FUT8: variants seen among roughly 807,000 people sequenced by gnomAD.
FUT8 encodes the protein alpha-(1,6)-fucosyltransferase.
A neutral mutation model predicts 71.3 loss-of-function variants in FUT8; 29 were observed. That is an observed-to-expected ratio of 0.41 (90% CI 0.30 to 0.55). The LOEUF is 0.55. Ranked by LOEUF, FUT8 falls within the 20% of genes least tolerant of loss-of-function variation. The pLI is 0.34. For missense variants in FUT8, 544 were observed against 702.1 expected (o/e 0.77, Z 2.55); for synonymous variants, 254 against 239.3 (o/e 1.06, Z -0.57).
At chr14:65,680,979 C>T (rs1325010961) in intron 7 of FUT8, among the ~76,000 whole-genome samples, 7 of 152,308 alleles carry the variant, frequency 4.6e-5, no homozygotes, top group African/African-American at 9.6e-5. Context: ...TACTGATATA[C>T]TGGGAACATG....
At chr14:65,611,215 GCGCGCGCGCACACACACACACACA>G (rs1566851064) in intron 3 of FUT8, among the ~76,000 whole-genome samples, 11 of 4,616 alleles carry the variant, frequency 2.4e-3, no homozygotes, top group Non-Finnish European at 7.1e-3. Flanking sequence ...GCGCGCGCGC[GCGCGCGCGCACACACACACACACA>G]CACACACACA....
At chr14:65,389,044 C>T in the FUT8 span, among the ~76,000 whole-genome samples, 73,665 of 150,434 alleles carry the variant, frequency 0.49, 19,275 homozygotes, top group Non-Finnish European at 0.6. Flanking sequence ...CTCTGTCACC[C>T]AGGCTGGAGT....
chr14:65,593,954 C>G (rs933588601), intron 3 of FUT8, among the ~76,000 whole-genome samples: 1 of 152,246 alleles, frequency 6.6e-6, no homozygotes, highest in Admixed American at 6.5e-5. Flanking sequence ...AGGTGATCTG[C>G]CCACCTTGGC....
In FUT8 at chr14:65,500,009, C is replaced by T. The variant is rs546408857; in HGVS notation, c.-228+44291C>T. 1.6e-4 allele frequency among the ~76,000 whole-genome samples: 24 copies of T among 152,230 alleles called. No homozygotes were observed. The South Asian group carries it at 3.3e-3, about 21-fold the overall frequency. On this transcript the variant is annotated intron_variant, in intron 2 of 10. Transcript: ENST00000673929. ...TGTTTGGTCTCACATACACACTTAA[C>T]GCCCCTTTCAAACTGTTATGGAACA...
chr14:65,732,518 A>G (rs1566922449), intron 9 of FUT8, among the ~76,000 whole-genome samples: 2 of 152,186 alleles, frequency 1.3e-5, no homozygotes, highest in African/African-American at 4.8e-5. Flanking sequence ...CTCCTCTATT[A>G]TATTCCAGAT....
Position 65,469,800 on chromosome 14 carries a change from C to T in FUT8, c.-228+14082C>T, listed in dbSNP as rs151020333. ...AGTCATCTGGCTGTCTCTCTGGCCTCTGCCCTGCTCTGGCTGATCTCGGGG... is the reference window on the plus strand; with the variant it reads ...AGTCATCTGGCTGTCTCTCTGGCCTTTGCCCTGCTCTGGCTGATCTCGGGG... On this transcript the variant is annotated intron_variant, in intron 2 of 10. Coordinates refer to ENST00000673929, the MANE Select transcript of FUT8 (RefSeq NM_001371533.1). Among the ~76,000 whole-genome samples the T allele has an allele frequency of 4.5e-3, 688 of 152,336 alleles. 2 individuals carry two copies. Among genetic ancestry groups the T allele is most frequent in the Admixed American group, 8.6e-3 (131 of 15,312 alleles).
chr14:65,635,546 G>A (rs61988015), intron 6 of FUT8, among the ~76,000 whole-genome samples: 8,940 of 152,236 alleles, frequency 0.059, 313 homozygotes, highest in Admixed American at 0.11. Flanking sequence ...GTCATAAAGC[G>A]ATGCTGGATT....
At chr14:65,411,674 A>G (rs923632706), upstream of FUT8, 30 of 230,480 alleles carry the variant, frequency 1.3e-4, no homozygotes, top group African/African-American at 6.6e-4. Flanking sequence ...GCCTAGAGAA[A>G]TGATTCTTGT....
chr14:65,474,547 C>T (rs964720388), intron 2 of FUT8, among the ~76,000 whole-genome samples: 3 of 150,534 alleles, frequency 2.0e-5, no homozygotes, highest in East Asian at 2.0e-4. Flanking sequence ...TGCAGTGAGC[C>T]GAGATTGTGC....
At chr14:65,601,144 A>AAGTT (rs1384787794) in intron 3 of FUT8, among the ~76,000 whole-genome samples, 1 of 152,154 alleles carries the variant, frequency 6.6e-6, no homozygotes, top group East Asian at 1.9e-4. Flanking sequence ...GTGAGTCTGA[A>AAGTT]AGTTATAGTA....
chr14:65,493,750 A>G (rs1339105554), intron 2 of FUT8, among the ~76,000 whole-genome samples: 3 of 151,782 alleles, frequency 2.0e-5, no homozygotes, highest in Admixed American at 1.3e-4. Context: ...ATTGCCATGT[A>G]TTGTCTCTTA....
intron 1 of FUT8, among the ~76,000 whole-genome samples, chr14:65,443,453 G>A (rs2065692444): frequency 6.6e-6 from 1 of 151,202 alleles, no homozygotes; most frequent in Admixed American, 6.6e-5. Flanking sequence ...GGGTGCAGTG[G>A]CTCACACCTA....
At chr14:65,520,772 A>G (rs1179096213) in intron 2 of FUT8, among the ~76,000 whole-genome samples, 1 of 152,076 alleles carries the variant, frequency 6.6e-6, no homozygotes, top group Admixed American at 6.5e-5. Flanking sequence ...AAAAGTTATC[A>G]TTATTCTTTT....
chr14:65,726,014 G>GCACA (rs112955215), intron 9 of FUT8, among the ~76,000 whole-genome samples: 7 of 151,402 alleles, frequency 4.6e-5, no homozygotes, highest in Non-Finnish European at 8.8e-5. Context: ...GCGCATGCGT[G>GCACA]CACACACACA....
the FUT8 span, among the ~76,000 whole-genome samples, chr14:65,366,969 C>T: frequency 6.6e-6 from 1 of 152,136 alleles, no homozygotes; most frequent in Non-Finnish European, 1.5e-5. Flanking sequence ...AAGCGAAGAG[C>T]TGAGAAAGGG....
chr14:65,494,197 T>C (rs1009950044), intron 2 of FUT8, among the ~76,000 whole-genome samples: 2 of 152,088 alleles, frequency 1.3e-5, no homozygotes, highest in Non-Finnish European at 2.9e-5. Flanking sequence ...TTAAAATTGG[T>C]TTCAGTTATT....
chr14:65,438,268 G>T lies in FUT8; in HGVS notation c.-325-17353G>T, dbSNP rs867575083. Among the ~76,000 whole-genome samples, 6 of 149,924 alleles carry T rather than the reference G, an allele frequency of 4.0e-5. No homozygotes were observed. The South Asian group carries it at 1.0e-3, about 26-fold the overall frequency. On this transcript the variant is annotated intron_variant, in intron 1 of 10. Coordinates refer to ENST00000673929, the MANE Select transcript of FUT8 (RefSeq NM_001371533.1). ...GACCTGTTACAACAGAAATTAGGCAGTTTTTTTTTTCCCCTCACATATTCA... is the reference window on the plus strand; with the variant it reads ...GACCTGTTACAACAGAAATTAGGCATTTTTTTTTTTCCCCTCACATATTCA...
At chr14:65,415,604 G>C (rs986833482) in intron 1 of FUT8, among the ~76,000 whole-genome samples, 1 of 151,574 alleles carries the variant, frequency 6.6e-6, no homozygotes, top group African/African-American at 2.4e-5. Flanking sequence ...CAAAAACGAA[G>C]CTTCAAGTAG....
intron 2 of FUT8, among the ~76,000 whole-genome samples, chr14:65,520,162 T>C (rs868363696): frequency 6.6e-5 from 10 of 152,308 alleles, no homozygotes; most frequent in Non-Finnish European, 8.8e-5. Context: ...AAATGTGTAG[T>C]AGCAGGAATA....
Sources: allele counts gnomAD v4.1 joint callset (sites outside exome capture counted in the v4.1 genomes callset), GRCh38; gene constraint gnomAD v4.1.1; transcripts MANE v1.5; gene names NCBI Gene and HGNC (gene_info 2026-07-23, HGNC 2026-07-21).